DMGDH: variants seen among roughly 807,000 people sequenced by gnomAD.
DMGDH encodes dimethylglycine dehydrogenase, mitochondrial.
A neutral mutation model predicts 95.2 loss-of-function variants in DMGDH; 76 were observed. That is an observed-to-expected ratio of 0.80 (90% CI 0.66 to 0.97). The LOEUF (loss-of-function observed/expected upper bound fraction) is 0.97. Among genes scored for constraint, DMGDH ranks in the 50% least tolerant of loss-of-function variants. The pLI is 0.00. For missense variants in DMGDH, 987 were observed against 1,055.0 expected (o/e 0.94, Z 0.89); for synonymous variants, 345 against 377.6 (o/e 0.91, Z 1.00).
At chr5:79,009,226 C>T (rs994063714) in intron 14 of DMGDH, among the ~76,000 whole-genome samples, 1 of 151,610 alleles carries the variant, frequency 6.6e-6, no homozygotes, top group Non-Finnish European at 1.5e-5. Context: ...TTTGTATATC[C>T]CTAAATTAGG....
At position 79,027,547 on chromosome 5, in the gene DMGDH, G is replaced by A. The variant is rs1471698428; in HGVS notation, c.2032+886C>T. The stretch of plus-strand genomic sequence containing the variant: ...CATGCAGTACTCCTGTGAGAGACAA[G>A]GAGGTCTAGAAAAACTTAGAAGGGA... On this transcript the variant is annotated intron_variant, in intron 12 of 15. Coordinates refer to ENST00000255189, the MANE Select transcript of DMGDH (RefSeq NM_013391.3). 6.6e-5 allele frequency among the ~76,000 whole-genome samples: 10 copies of A among 152,210 alleles called. No homozygotes were observed. In the East Asian group the frequency reaches 1.3e-3, roughly 20 times the overall value.
intron 7 of DMGDH, among the ~76,000 whole-genome samples, chr5:79,036,363 T>C (rs569078919): frequency 1.3e-5 from 2 of 152,342 alleles, no homozygotes; most frequent in East Asian, 3.9e-4. Flanking sequence ...CCTAGGCCTA[T>C]ATGCTTTTTG....
chr5:79,000,287 G>A (rs1753431811), intron 15 of DMGDH: 1 of 663,430 alleles, frequency 1.5e-6, no homozygotes, highest in Non-Finnish European at 2.9e-6. Flanking sequence ...TCCATGAGAT[G>A]AAGAAGATGC....
At chr5:79,010,393 A>C (rs1446445557) in intron 14 of DMGDH, among the ~76,000 whole-genome samples, 1 of 152,214 alleles carries the variant, frequency 6.6e-6, no homozygotes, top group Non-Finnish European at 1.5e-5. Context: ...GATTATGAAA[A>C]TACAGTCTTG....
chr5:79,029,944 G>C lies in DMGDH; in HGVS notation c.1774C>G (p.Leu592Val). ...TCTGATCCAGAGCCAGTAATTAAAAGAAACTCCCCAGGAGATTGGTGAGAA... is the reference window on the plus strand; with the variant it reads ...TCTGATCCAGAGCCAGTAATTAAAACAAACTCCCCAGGAGATTGGTGAGAA... ...TVSHQSPGEF[L>V]LITGSGSELH... Residue 592 changes from leucine (L) to valine (V), a missense_variant, in exon 11 of 16, where the codon CTT (leucine) becomes GTT (valine). Transcript: ENST00000255189. 6.2e-7 allele frequency: 1 copy of C among 1,614,050 alleles called. No individual in the cohort carries two copies. The highest frequency in any genetic ancestry group is 1.7e-5 in the Admixed American group (1 of 60,020).
chr5:79,042,203 T>C, intron 7 of DMGDH, 80 bp downstream of exon 7: 2 of 1,348,310 alleles, frequency 1.5e-6, no homozygotes. Flanking sequence ...ATTTCCCTTT[T>C]GCATCCTGAG....
chr5:79,069,411 C>T (rs1043009980), intron 1 of DMGDH, 109 bp downstream of exon 1: 23 of 475,712 alleles, frequency 4.8e-5, no homozygotes, highest in Non-Finnish European at 6.7e-5. Flanking sequence ...TATATCAAGG[C>T]CTATTTCTTG....
chr5:78,998,722 C>T (rs535528748), intron 15 of DMGDH, among the ~76,000 whole-genome samples: 3 of 152,086 alleles, frequency 2.0e-5, no homozygotes, highest in South Asian at 2.1e-4. Flanking sequence ...TGATGGCGGG[C>T]GCCTATACTC....
intron 2 of DMGDH, among the ~76,000 whole-genome samples, chr5:79,057,452 C>T (rs371306227): frequency 2.0e-5 from 3 of 152,098 alleles, no homozygotes; most frequent in African/African-American, 7.2e-5. Context: ...GTCAATCATC[C>T]TTTATAACCA....
chr5:79,042,319 T>C lies in DMGDH; in HGVS notation c.1157A>G (p.Gln386Arg), dbSNP rs759222513. The stretch of plus-strand genomic sequence containing the variant: ...AGCCACCCAGTAGTTTCTGACCCCC[T>C]GATGGGGCCCCACCATAGGCAGAAT... ...PDILPMVGPH[Q>R]GVRNYWVAIG... is the part of the protein sequence containing the mutation. The change falls in exon 7 of 16, where the codon CAG (glutamine) becomes CGG (arginine). Residue 386 changes from glutamine (Q) to arginine (R), a missense_variant. Physicochemically the swap from Gln to Arg is conservative, Grantham distance 43. Transcript: ENST00000255189. 95 of 1,614,020 alleles carry C rather than the reference T, an allele frequency of 5.9e-5. No individual in the cohort carries two copies. Among genetic ancestry groups the C allele is most frequent in the Non-Finnish European group, 7.8e-5 (92 of 1,179,976 alleles).
chr5:79,015,910 G>A (rs1235261108), intron 14 of DMGDH, among the ~76,000 whole-genome samples: 2 of 152,182 alleles, frequency 1.3e-5, no homozygotes, highest in Admixed American at 6.6e-5. Flanking sequence ...CTCAGTAGAT[G>A]TGGAAAATCA....
At chr5:79,011,759 TCA>T (rs1753651330) in intron 14 of DMGDH, among the ~76,000 whole-genome samples, 1 of 152,096 alleles carries the variant, frequency 6.6e-6, no homozygotes, top group Admixed American at 6.5e-5. Context: ...AAGATACTAC[TCA>T]CTTTTATATG....
intron 15 of DMGDH, 34 bp from the exon 16 acceptor site, chr5:78,998,331 T>C: frequency 1.3e-6 from 2 of 1,585,634 alleles, no homozygotes; most frequent in Non-Finnish European, 1.7e-6. Context: ...CTCAGCATCT[T>C]GGTCACAGCT....
intron 2 of DMGDH, among the ~76,000 whole-genome samples, chr5:79,058,757 AG>A (rs1755107176): frequency 1.3e-5 from 2 of 152,254 alleles, no homozygotes; most frequent in Admixed American, 1.3e-4. Context: ...TAAACAAATA[AG>A]TACAGGAGAA....
chr5:79,001,048 C>T (rs534598220), intron 15 of DMGDH: 51 of 679,768 alleles, frequency 7.5e-5, no homozygotes, highest in Non-Finnish European at 1.3e-4. Flanking sequence ...CACCATTCCT[C>T]GCCATCAATG....
At chr5:79,005,799 A>G (rs1016398086) in intron 14 of DMGDH, among the ~76,000 whole-genome samples, 1 of 152,228 alleles carries the variant, frequency 6.6e-6, no homozygotes, top group African/African-American at 2.4e-5. Flanking sequence ...TTTTACCTGA[A>G]GAAAATTCAC....
chr5:79,024,221 C>T (rs773312160), intron 14 of DMGDH, 50 bp downstream of exon 14: 2 of 1,524,498 alleles, frequency 1.3e-6, no homozygotes, highest in Non-Finnish European at 1.8e-6. Context: ...CACAAAATAG[C>T]ATCATAATGT....
At chr5:79,001,475 T>C (rs1253355858) in intron 15 of DMGDH, among the ~76,000 whole-genome samples, 1 of 152,220 alleles carries the variant, frequency 6.6e-6, no homozygotes, top group East Asian at 1.9e-4. Context: ...ATCATTGCTT[T>C]TTGAAAGACT....
At chr5:79,052,966 A>G (rs940565474) in intron 4 of DMGDH, among the ~76,000 whole-genome samples, 3 of 152,134 alleles carry the variant, frequency 2.0e-5, no homozygotes, top group African/African-American at 4.8e-5. Context: ...TGTTTCCCCA[A>G]CAGCCCCATC....
Sources: allele counts gnomAD v4.1 joint callset (sites outside exome capture counted in the v4.1 genomes callset), GRCh38; gene constraint gnomAD v4.1.1; transcripts MANE v1.5; gene names NCBI Gene and HGNC (gene_info 2026-07-23, HGNC 2026-07-21).